Variants in CSTA observed in about 807,000 individuals in gnomAD.
The protein encoded by CSTA is cystatin A.
In CSTA, 9 loss-of-function variants were observed where a neutral mutation model predicts 9.2. The observed-to-expected ratio is 0.97, with a 90% CI of 0.59 to 1.70. The LOEUF is 1.70. Among genes scored for constraint, CSTA ranks in the 40% most tolerant of loss-of-function variants. The pLI is 0.00. For synonymous variants in CSTA, 36 were observed against 40.6 expected (o/e 0.89, Z 0.43); for missense variants, 118 against 113.1 (o/e 1.04, Z -0.20).
At chr3:122,333,574 AG>A in intron 1 of CSTA, among the ~76,000 whole-genome samples, 1 of 147,644 alleles carries the variant, frequency 6.8e-6, no homozygotes, top group South Asian at 2.1e-4. Context: ...AAAGAAAGAA[AG>A]AAAGAAAGAA....
intron 2 of CSTA, 144 bp downstream of exon 2, chr3:122,337,792 C>A: frequency 1.4e-6 from 1 of 721,948 alleles, no homozygotes; most frequent in South Asian, 1.6e-5. Context: ...AAGTGGTGGA[C>A]TCTCAAATTT....
At chr3:122,337,893 T>G in intron 2 of CSTA, 1 of 478,966 alleles carries the variant, frequency 2.1e-6, no homozygotes, top group Non-Finnish European at 3.8e-6. Flanking sequence ...TAGAAAAAGA[T>G]TTCATAACAG....
chr3:122,329,115 G>A (rs1048844870), intron 1 of CSTA, among the ~76,000 whole-genome samples: 23 of 151,010 alleles, frequency 1.5e-4, no homozygotes, highest in African/African-American at 5.3e-4. Flanking sequence ...ACAGGCGCCC[G>A]CCACCATGCC....
At chr3:122,333,341 T>C (rs1191497499) in intron 1 of CSTA, among the ~76,000 whole-genome samples, 1 of 152,006 alleles carries the variant, frequency 6.6e-6, no homozygotes, top group African/African-American at 2.4e-5. Context: ...TGAAACTCCA[T>C]CTCTCCAAAA....
intron 1 of CSTA, among the ~76,000 whole-genome samples, chr3:122,333,166 A>C (rs1353250659): frequency 6.6e-6 from 1 of 152,202 alleles, no homozygotes; most frequent in African/African-American, 2.4e-5. Flanking sequence ...TGGATTACAC[A>C]GATACGATGG....
chr3:122,339,826 A>G (rs1382283781), intron 2 of CSTA, among the ~76,000 whole-genome samples: 1 of 152,148 alleles, frequency 6.6e-6, no homozygotes, highest in Admixed American at 6.6e-5. Flanking sequence ...CTGCACTGTG[A>G]GCCAGGCCTC....
At chr3:122,328,285 G>A (rs2075181798) in intron 1 of CSTA, among the ~76,000 whole-genome samples, 1 of 152,078 alleles carries the variant, frequency 6.6e-6, no homozygotes, top group Non-Finnish European at 1.5e-5. Context: ...CAGATCACAT[G>A]AGGTCAGGAG....
chr3:122,337,615 T>C lies in CSTA; in HGVS notation c.135T>C (p.Thr45=). 1 of 1,613,124 alleles carries C rather than the reference T, an allele frequency of 6.2e-7. No individual in the cohort carries two copies. The highest frequency in any genetic ancestry group is 8.5e-7 in the Non-Finnish European group (1 of 1,179,150). Residue 45 remains threonine (T), a synonymous_variant, in exon 2 of 3, where the codon ACT becomes ACC. Coordinates refer to ENST00000264474, the MANE Select transcript of CSTA (RefSeq NM_005213.4). The part of the protein sequence containing the change: ...YGKLEAVQYK[T]QVVAGTNYYI... Reference sequence around the variant, plus strand: ...AATTGGAAGCTGTGCAGTATAAAACTCAAGTTGTTGCTGGAACAAATTACT... The same window carrying C: ...AATTGGAAGCTGTGCAGTATAAAACCCAAGTTGTTGCTGGAACAAATTACT...
intron 1 of CSTA, 147 bp downstream of exon 1, chr3:122,325,505 A>G: frequency 1.3e-6 from 1 of 756,090 alleles, no homozygotes; most frequent in South Asian, 1.5e-5. Flanking sequence ...AGATGAAATA[A>G]GAGTTTTTCA....
intron 2 of CSTA, among the ~76,000 whole-genome samples, chr3:122,340,644 C>A (rs539747259): frequency 5.0e-4 from 76 of 152,176 alleles, no homozygotes; most frequent in Non-Finnish European, 1.3e-4. Context: ...GCCCCCTGGG[C>A]TCTGCTCAAT....
At chr3:122,330,082 C>T (rs566031423) in intron 1 of CSTA, among the ~76,000 whole-genome samples, 23 of 152,168 alleles carry the variant, frequency 1.5e-4, no homozygotes, top group Non-Finnish European at 3.1e-4. Context: ...TTATTATAAC[C>T]GCTTTATAGG....
At chr3:122,328,695 G>A (rs528547895) in intron 1 of CSTA, among the ~76,000 whole-genome samples, 2 of 151,656 alleles carry the variant, frequency 1.3e-5, no homozygotes, top group South Asian at 4.2e-4. Context: ...AGTCCATATA[G>A]GAGGCCAAGG....
chr3:122,328,635 G>A (rs747583339), intron 1 of CSTA, among the ~76,000 whole-genome samples: 1 of 151,956 alleles, frequency 6.6e-6, no homozygotes, highest in African/African-American at 2.4e-5. Flanking sequence ...ACTGAATGGA[G>A]AGAGTGTGGT....
chr3:122,329,887 C>A (rs563326387), intron 1 of CSTA, among the ~76,000 whole-genome samples: 191 of 152,326 alleles, frequency 1.3e-3, no homozygotes, highest in African/African-American at 4.4e-3. Flanking sequence ...CAGTTCAGCT[C>A]CTCTGGTGTT....
intron 1 of CSTA, among the ~76,000 whole-genome samples, chr3:122,326,763 A>G (rs974303086): frequency 1.3e-5 from 2 of 152,256 alleles, no homozygotes; most frequent in African/African-American, 2.4e-5. Flanking sequence ...GAATGTGCAC[A>G]TGAATCACCT....
At chr3:122,331,224 G>A (rs1426862810) in intron 1 of CSTA, among the ~76,000 whole-genome samples, 1 of 151,484 alleles carries the variant, frequency 6.6e-6, no homozygotes, top group Admixed American at 6.6e-5. Flanking sequence ...TCAGGACACC[G>A]CACAAACACT....
chr3:122,330,593 T>C (rs2075198666), intron 1 of CSTA, among the ~76,000 whole-genome samples: 1 of 152,210 alleles, frequency 6.6e-6, no homozygotes, highest in Admixed American at 6.5e-5. Context: ...ACTGAACATG[T>C]CATTGTAGCA....
intron 2 of CSTA, among the ~76,000 whole-genome samples, chr3:122,339,473 G>T (rs773408507): frequency 6.6e-6 from 1 of 152,156 alleles, no homozygotes; most frequent in Non-Finnish European, 1.5e-5. Flanking sequence ...AACTACAAGA[G>T]CAGAGTCAGG....
chr3:122,331,104 AACACACACACACAC>A (rs10575257), intron 1 of CSTA, among the ~76,000 whole-genome samples: 12 of 141,184 alleles, frequency 8.5e-5, no homozygotes, highest in East Asian at 2.0e-4. Context: ...GCACACAACA[AACACACACACACAC>A]ACACACACAC....
Sources: gnomAD v4.1 joint callset for allele counts (sites outside exome capture counted in the v4.1 genomes callset) on GRCh38, gnomAD v4.1.1 for gene constraint, MANE v1.5 for transcripts, NCBI Gene and HGNC (gene_info 2026-07-23, HGNC 2026-07-21) for gene names.